The following S100Z variants were observed in gnomAD, a reference collection of about 807,000 sequenced individuals.
The protein encoded by S100Z is S100 calcium binding protein Z.
In S100Z, 11 loss-of-function variants were observed where a neutral mutation model predicts 8.5. That is an observed-to-expected ratio of 1.30 (90% CI 0.82 to 2.15). The LOEUF is 2.15. Ranked by LOEUF, S100Z falls within the 30% of genes most tolerant of loss-of-function variation. The pLI is 0.00. For missense variants in S100Z, 126 were observed against 117.9 expected (o/e 1.07, Z -0.32); for synonymous variants, 34 against 43.8 (o/e 0.78, Z 0.89).
chr5:76,875,769 C>A (rs534091843), intron 3 of S100Z, among the ~76,000 whole-genome samples: 1 of 152,178 alleles, frequency 6.6e-6, no homozygotes, highest in Admixed American at 6.5e-5. Context: ...TCTGGTGCGG[C>A]AAAGATGTAG....
chr5:76,901,576 T>G (rs192683379), intron 4 of S100Z, among the ~76,000 whole-genome samples: 75 of 147,028 alleles, frequency 5.1e-4, no homozygotes, highest in African/African-American at 1.9e-3. Context: ...TTCAGTCAAC[T>G]GGTTTGTAAA....
chr5:76,912,747 C>T (rs949156283), intron 4 of S100Z, among the ~76,000 whole-genome samples: 5 of 151,878 alleles, frequency 3.3e-5, no homozygotes, highest in African/African-American at 1.2e-4. Context: ...ACTGCCAAAG[C>T]CATCAAAAAG....
intron 1 of S100Z, among the ~76,000 whole-genome samples, chr5:76,866,054 G>T (rs1014818284): frequency 2.6e-5 from 4 of 151,446 alleles, no homozygotes; most frequent in African/African-American, 4.8e-5. Flanking sequence ...GTAAGGTAAG[G>T]TTAACTTATT....
At chr5:76,883,428 A>C (rs1004056433) in intron 4 of S100Z, among the ~76,000 whole-genome samples, 4 of 152,236 alleles carry the variant, frequency 2.6e-5, no homozygotes, top group African/African-American at 9.6e-5. Context: ...CCAAGTTGGC[A>C]CCAGAGTTGG....
At chr5:76,866,664 G>A (rs1236793266) in intron 1 of S100Z, among the ~76,000 whole-genome samples, 1 of 152,140 alleles carries the variant, frequency 6.6e-6, no homozygotes, top group African/African-American at 2.4e-5. Context: ...GCAGTATTCA[G>A]CACAGTTATA....
At chr5:76,931,658 A>G in the S100Z span, among the ~76,000 whole-genome samples, 1 of 152,322 alleles carries the variant, frequency 6.6e-6, no homozygotes, top group East Asian at 1.9e-4. Flanking sequence ...TATAGAAAAG[A>G]CCAGATGGAT....
chr5:76,942,421 T>C, the S100Z span, among the ~76,000 whole-genome samples: 16 of 65,634 alleles, frequency 2.4e-4, no homozygotes, highest in Non-Finnish European at 4.9e-4. Flanking sequence ...CCAGTATAGC[T>C]ATTATATTGG....
intron 1 of S100Z, among the ~76,000 whole-genome samples, chr5:76,850,755 G>A (rs1750705300): frequency 6.6e-6 from 1 of 152,200 alleles, no homozygotes; most frequent in African/African-American, 2.4e-5. Flanking sequence ...AGGGATGGAG[G>A]GGCTGGGGAG....
the S100Z span, among the ~76,000 whole-genome samples, chr5:76,950,748 C>G: frequency 3.3e-5 from 5 of 152,084 alleles, no homozygotes; most frequent in African/African-American, 1.2e-4. Context: ...AAAAAAAAAT[C>G]CAGTTTGCTT....
intron 4 of S100Z, among the ~76,000 whole-genome samples, chr5:76,909,606 C>T (rs1230106306): frequency 6.6e-6 from 1 of 152,148 alleles, no homozygotes; most frequent in Non-Finnish European, 1.5e-5. Context: ...TAAGCCTCCT[C>T]TAATCTCCCC....
chr5:76,930,249 T>C, the S100Z span, among the ~76,000 whole-genome samples: 2 of 152,262 alleles, frequency 1.3e-5, no homozygotes, highest in African/African-American at 4.8e-5. Flanking sequence ...TCTCAGACTC[T>C]GACAGCATCT....
chr5:76,907,444 C>T (rs1471194242), intron 4 of S100Z, among the ~76,000 whole-genome samples: 1 of 152,098 alleles, frequency 6.6e-6, no homozygotes, highest in Non-Finnish European at 1.5e-5. Context: ...GCTGGGACTA[C>T]AGGGGCCCGC....
intron 1 of S100Z, among the ~76,000 whole-genome samples, chr5:76,855,700 T>TTTTGGAC (rs1382656489): frequency 6.6e-6 from 1 of 152,116 alleles, no homozygotes; most frequent in African/African-American, 2.4e-5. Context: ...TCAGATGAGA[T>TTTTGGAC]TTTGGACTTT....
At chr5:76,888,838 G>A (rs1298820512) in intron 4 of S100Z, among the ~76,000 whole-genome samples, 2 of 152,186 alleles carry the variant, frequency 1.3e-5, no homozygotes, top group African/African-American at 4.8e-5. Context: ...ACCCAACATG[G>A]CCAGGCTGGC....
the S100Z span, among the ~76,000 whole-genome samples, chr5:76,945,716 T>C: frequency 2.6e-4 from 39 of 152,316 alleles, no homozygotes; most frequent in East Asian, 1.9e-3. Context: ...CTCCCCACTA[T>C]CACCCTGCTT....
At chr5:76,900,438 T>C (rs1238520606) in intron 4 of S100Z, among the ~76,000 whole-genome samples, 1 of 152,232 alleles carries the variant, frequency 6.6e-6, no homozygotes, top group African/African-American at 2.4e-5. Context: ...TTTTTTCTTC[T>C]GTCTCCTCTG....
downstream of S100Z, among the ~76,000 whole-genome samples, chr5:76,925,012 G>A (rs1394552008): frequency 6.6e-6 from 1 of 152,114 alleles, no homozygotes; most frequent in African/African-American, 2.4e-5. Context: ...ACTCTTACAA[G>A]GTTGCTGTTG....
intron 4 of S100Z, among the ~76,000 whole-genome samples, chr5:76,907,158 T>C (rs1001304383): frequency 6.6e-6 from 1 of 151,786 alleles, no homozygotes; most frequent in Non-Finnish European, 1.5e-5. Context: ...TATCCTTTTT[T>C]TCTGTTGAAT....
chr5:76,868,308 G>C (rs1018570828), intron 1 of S100Z, among the ~76,000 whole-genome samples: 4 of 151,670 alleles, frequency 2.6e-5, no homozygotes, highest in African/African-American at 9.7e-5. Flanking sequence ...TGTACCAAAG[G>C]ATATATTTAG....
Sources: gnomAD v4.1 joint callset for allele counts (sites outside exome capture counted in the v4.1 genomes callset) on GRCh38, gnomAD v4.1.1 for gene constraint, MANE v1.5 for transcripts, NCBI Gene and HGNC (gene_info 2026-07-23, HGNC 2026-07-21) for gene names.